MED29: variants seen among roughly 807,000 people sequenced by gnomAD.
The protein encoded by MED29 is mediator of RNA polymerase II transcription subunit 29.
MED29 carries 14 observed loss-of-function variants against 22.0 expected under a neutral mutation model. The observed-to-expected ratio is 0.64, with a 90% confidence interval of 0.42 to 0.99. The LOEUF is 0.99. Ranked by LOEUF, MED29 falls within the 50% of genes least tolerant of loss-of-function variation. MED29 has a pLI of 0.00. For synonymous variants in MED29, 123 were observed against 107.8 expected, an observed-to-expected ratio of 1.14 and a Z score of -0.87; for missense variants, 241 against 253.7, an observed-to-expected ratio of 0.95 and a Z score of 0.34.
intron 3 of MED29, among the ~76,000 whole-genome samples, chr19:39,396,405 A>G (rs1462325665): frequency 6.6e-6 from 1 of 152,038 alleles, no homozygotes; most frequent in Non-Finnish European, 1.5e-5. Flanking sequence ...ACTGCACTCC[A>G]GCCTGGGTAA....
chr19:39,392,814 T>C, intron 2 of MED29: 1 of 361,398 alleles, frequency 2.8e-6, no homozygotes. Context: ...TAAGATTTTT[T>C]TATAGAGACG....
Position 39,391,387 on chromosome 19 carries a change from A to G in MED29, c.-36A>G, listed in dbSNP as rs1474798441. On this transcript the variant is annotated 5_prime_UTR_variant, in exon 1 of 4. Coordinates refer to ENST00000315588, the MANE Select transcript of MED29 (RefSeq NM_017592.4). ...GCTGAAAAGCAACGGGGAGAGACGC[A>G]GTCGTAACGCACTTCCGGCGGTCTA... is the stretch of plus-strand genomic sequence containing the variant. The G allele has an allele frequency of 1.2e-6, 2 of 1,603,134 alleles. No individual in the cohort carries two copies. The highest frequency in any genetic ancestry group is 2.2e-5 in the East Asian group (1 of 44,580).
rs554744263 is a variant in MED29 at position 39,392,552 on chromosome 19, C to G, written c.275+30C>G. On this transcript the variant is annotated intron_variant, in intron 2 of 3. Coordinates refer to ENST00000315588, the MANE Select transcript of MED29 (RefSeq NM_017592.4). ...GTGCAGCCCCCTTTACCAGGATATT[C>G]TATTGCCTTCCCAGTCTTTGAAATT... 1.7e-4 allele frequency: 265 copies of G among 1,590,088 alleles called. 3 individuals are homozygous for G. In the South Asian group the frequency reaches 2.9e-3, roughly 17 times the overall value.
chr19:39,396,582 C>T (rs928725902), intron 3 of MED29, among the ~76,000 whole-genome samples: 1 of 152,018 alleles, frequency 6.6e-6, no homozygotes, highest in Non-Finnish European at 1.5e-5. Context: ...AAAAATTAGC[C>T]AGGCTTGGTG....
chr19:39,393,675 G>A (rs1301240255), intron 3 of MED29, 38 bp downstream of exon 3: 3 of 1,561,358 alleles, frequency 1.9e-6, no homozygotes, highest in Non-Finnish European at 1.8e-6. Flanking sequence ...CAACAGCCGT[G>A]TCCCAGTCTC....
Position 39,393,655 on chromosome 19 carries a change from C to T in MED29, c.360+18C>T. On this transcript the variant is annotated intron_variant, in intron 3 of 3. Coordinates refer to ENST00000315588, the MANE Select transcript of MED29 (RefSeq NM_017592.4). ...TGTGCCTGGTAAGAAGCCTTCTGGA[C>T]ACGGGGTAACAACAGCCGTGTCCCA... 1 of 1,604,296 alleles carries T rather than the reference C, an allele frequency of 6.2e-7. No individual in the cohort carries two copies. The highest frequency in any genetic ancestry group is 1.3e-5 in the African/African-American group (1 of 74,838).
At chr19:39,393,523 C>G in intron 2 of MED29, 30 bp from the exon 3 acceptor site, 1 of 1,601,184 alleles carries the variant, frequency 6.2e-7, no homozygotes, top group Non-Finnish European at 8.6e-7. Flanking sequence ...GAAATCAATT[C>G]TTCAGACATC....
intron 3 of MED29, among the ~76,000 whole-genome samples, chr19:39,396,127 C>T (rs1353007886): frequency 2.0e-5 from 3 of 152,142 alleles, no homozygotes; most frequent in Admixed American, 1.3e-4. Context: ...GCTGCACTTA[C>T]GTCTTAGGTA....
At chr19:39,395,037 A>G (rs897603427) in intron 3 of MED29, among the ~76,000 whole-genome samples, 1 of 151,766 alleles carries the variant, frequency 6.6e-6, no homozygotes, top group Non-Finnish European at 1.5e-5. Context: ...TATTTTTTGT[A>G]GAGACGGGGT....
chr19:39,393,376 G>A (rs547726762), intron 2 of MED29, among the ~76,000 whole-genome samples, 177 bp from the exon 3 acceptor site: 27 of 152,022 alleles, frequency 1.8e-4, no homozygotes, highest in East Asian at 3.9e-4. Context: ...GATTACAGGC[G>A]TGAGCCACCG....
intron 1 of MED29, 76 bp downstream of exon 1, chr19:39,391,714 G>C: frequency 6.8e-7 from 1 of 1,477,642 alleles, no homozygotes; most frequent in Non-Finnish European, 9.0e-7. Flanking sequence ...AGGTTAGTCG[G>C]AGAGAGCGCT....
intron 3 of MED29, among the ~76,000 whole-genome samples, chr19:39,394,858 G>A (rs531009260): frequency 9.8e-4 from 147 of 149,954 alleles, no homozygotes; most frequent in Non-Finnish European, 1.8e-3. Context: ...TACCACACCC[G>A]GCTTTTTTTT....
At chr19:39,395,105 C>T (rs2078421164) in intron 3 of MED29, among the ~76,000 whole-genome samples, 1 of 152,186 alleles carries the variant, frequency 6.6e-6, no homozygotes, top group African/African-American at 2.4e-5. Context: ...TCACCCACCT[C>T]AGCCTCCCAA....
chr19:39,392,709 C>T (rs1475494265), intron 2 of MED29, 187 bp downstream of exon 2: 2 of 563,844 alleles, frequency 3.5e-6, no homozygotes, highest in Non-Finnish European at 6.2e-6. Context: ...TCATTGCAGC[C>T]TTGAACACCT....
rs1345528272 is a variant in MED29, at chr19:39,396,905, G to A, written c.361-552G>A. Among the ~76,000 whole-genome samples, 3 of 151,648 alleles carry A rather than the reference G, an allele frequency of 2.0e-5. No homozygotes were observed. In the South Asian group the frequency reaches 6.2e-4, roughly 32 times the overall value. On this transcript the variant is annotated intron_variant, in intron 3 of 3. Transcript: ENST00000315588. ...TAGCCGGGTGTGGTGGCGGGTGCCT[G>A]TAATCCCAGCTACTCGGGAGGCTGA...
At position 39,393,657 on chromosome 19, in the gene MED29, C is replaced by T. The variant is rs749470366; in HGVS notation, c.360+20C>T. The T allele has an allele frequency of 2.9e-5, 47 of 1,603,758 alleles. No homozygotes were observed. Among genetic ancestry groups the T allele is most frequent in the African/African-American group, 4.0e-5 (3 of 74,674 alleles). ...TGCCTGGTAAGAAGCCTTCTGGACA[C>T]GGGGTAACAACAGCCGTGTCCCAGT... On this transcript the variant is annotated intron_variant, in intron 3 of 3. Coordinates refer to ENST00000315588, the MANE Select transcript of MED29 (RefSeq NM_017592.4).
At chr19:39,392,427 T>C (rs1216556077) in intron 1 of MED29, 37 bp from the exon 2 acceptor site, 1 of 1,517,548 alleles carries the variant, frequency 6.6e-7, no homozygotes, top group East Asian at 2.4e-5. Flanking sequence ...CCTTTTGTTT[T>C]TCCATTTCCC....
At position 39,391,430 on chromosome 19, in the gene MED29, C is replaced by T; in HGVS notation, c.8C>T (p.Ala3Val). The T allele has an allele frequency of 1.9e-6, 3 of 1,612,606 alleles. No individual in the cohort carries two copies. Among genetic ancestry groups the T allele is most frequent in the Non-Finnish European group, 2.5e-6 (3 of 1,178,724 alleles). The change falls in exon 1 of 4, where the codon GCA becomes GTA. Residue 3 changes from alanine to valine, a missense_variant. By Grantham distance (64) the Ala-to-Val change is moderately conservative. Coordinates refer to ENST00000315588, the MANE Select transcript of MED29 (RefSeq NM_017592.4). MAASQQQASAASS... is the reference protein window; with the variant it reads MAVSQQQASAASS... Reference sequence around the variant, plus strand: ...GCGGTCTACGCGAGGAAGATGGCTGCATCCCAGCAGCAAGCTTCAGCGGCT... The same window carrying T: ...GCGGTCTACGCGAGGAAGATGGCTGTATCCCAGCAGCAAGCTTCAGCGGCT...
At chr19:39,396,889 G>A (rs2078431551) in intron 3 of MED29, among the ~76,000 whole-genome samples, 1 of 151,542 alleles carries the variant, frequency 6.6e-6, no homozygotes, top group South Asian at 2.1e-4. Flanking sequence ...TTAGCCGGGT[G>A]TGGTGGCGGG....
Sources: gnomAD v4.1 joint callset for allele counts (sites outside exome capture counted in the v4.1 genomes callset) on GRCh38, gnomAD v4.1.1 for gene constraint, MANE v1.5 for transcripts, NCBI Gene and HGNC (gene_info 2026-07-23, HGNC 2026-07-21) for gene names.